RGS7: variants seen among roughly 807,000 people sequenced by gnomAD.
The protein encoded by RGS7 is regulator of G protein signaling 7.
Under a neutral mutation model 81.1 loss-of-function variants are expected in RGS7, and 27 were observed. The ratio of observed to expected loss-of-function variants is 0.33; its 90% CI spans 0.25 to 0.46. RGS7 has a LOEUF of 0.46. Ranked by LOEUF, RGS7 falls within the 20% of genes least tolerant of loss-of-function variation. The pLI is 1.00. For missense variants in RGS7, 396 were observed against 607.4 expected (o/e 0.65, Z 3.66); for synonymous variants, 208 against 207.7 (o/e 1.00, Z -0.01).
chr1:240,839,306 C>T (rs1185072949), intron 9 of RGS7, among the ~76,000 whole-genome samples: 1 of 150,286 alleles, frequency 6.7e-6, no homozygotes. Context: ...CAGGGTCTCA[C>T]ATTTTAGCGA....
Position 241,258,584 on chromosome 1 carries a change from C to A in RGS7, c.78+97115G>T, listed in dbSNP as rs574821096. On this transcript the variant is annotated intron_variant, in intron 2 of 18. Transcript: ENST00000440928. ...AATCATAAAATGTAACATCCTTTCC[C>A]AGGTGGCCACAGCTTGTTCTTATTC... 1.4e-4 allele frequency among the ~76,000 whole-genome samples: 21 copies of A among 152,230 alleles called. No homozygotes were observed. In the East Asian group the frequency reaches 3.9e-3, roughly 28 times the overall value.
Position 241,327,134 on chromosome 1 carries a change from GA to G in RGS7, c.78+28564del, listed in dbSNP as rs1416030159. 2.7e-4 allele frequency among the ~76,000 whole-genome samples: 27 copies of G among 100,722 alleles called. 2 individuals carry two copies. In the East Asian group the frequency reaches 8.5e-3, roughly 32 times the overall value. 66.1% of individuals were successfully genotyped at this position (100,722 alleles called of 152,430 possible). A position where few individuals can be genotyped will look rare whatever the true frequency, so the allele number is the denominator to read the frequency against. ...AGAAAGAAAGAAAGAAAGAAAGAAA[GA>G]AAGAAAGAAAGGAAAGAAAGAAAGA... is the stretch of plus-strand genomic sequence containing the variant. On this transcript the variant is annotated intron_variant, in intron 2 of 18. Coordinates refer to ENST00000440928, the MANE Select transcript of RGS7 (RefSeq NM_001364886.1).
At chr1:241,121,527 G>A (rs2066251925) in intron 2 of RGS7, among the ~76,000 whole-genome samples, 1 of 152,104 alleles carries the variant, frequency 6.6e-6, no homozygotes, top group African/African-American at 2.4e-5. Context: ...CATAAAAGGT[G>A]ACAAGCTATG....
chr1:240,925,530 A>T (rs1249389381), intron 6 of RGS7, among the ~76,000 whole-genome samples: 3 of 152,158 alleles, frequency 2.0e-5, no homozygotes, highest in Admixed American at 6.5e-5. Flanking sequence ...TACACTATTG[A>T]TGGGCACCTA....
At chr1:240,978,180 C>T (rs942711663) in intron 4 of RGS7, among the ~76,000 whole-genome samples, 72 of 152,198 alleles carry the variant, frequency 4.7e-4, no homozygotes, top group African/African-American at 1.4e-3. Flanking sequence ...AATCCATCCA[C>T]CCTGTCAATA....
intron 3 of RGS7, among the ~76,000 whole-genome samples, chr1:241,048,283 A>G (rs769019487): frequency 5.9e-5 from 9 of 152,196 alleles, no homozygotes; most frequent in Non-Finnish European, 7.3e-5. Flanking sequence ...AATGAGGCAC[A>G]GAAATAAAAT....
chr1:240,858,482 G>T (rs1661563630), intron 9 of RGS7, among the ~76,000 whole-genome samples: 1 of 152,180 alleles, frequency 6.6e-6, no homozygotes, highest in African/African-American at 2.4e-5. Flanking sequence ...TAGCCCTAAT[G>T]ACGTGATGTT....
intron 9 of RGS7, among the ~76,000 whole-genome samples, chr1:240,864,451 A>G (rs892620884): frequency 6.6e-6 from 1 of 152,314 alleles, no homozygotes; most frequent in African/African-American, 2.4e-5. Context: ...AAACAGTTCA[A>G]AAAGTTTCAT....
chr1:240,908,171 A>G lies in RGS7; in HGVS notation c.385+22546T>C, dbSNP rs565193701. Among the ~76,000 whole-genome samples the G allele has an allele frequency of 2.4e-4, 29 of 121,058 alleles. No homozygotes were observed. In the East Asian group the frequency reaches 4.8e-3, roughly 20 times the overall value. 79.4% of individuals were successfully genotyped at this position (121,058 alleles called of 152,430 possible). On this transcript the variant is annotated intron_variant, in intron 6 of 18. Transcript: ENST00000440928. The stretch of plus-strand genomic sequence containing the variant: ...AATGAGAACACCTGGACACAGGGCG[A>G]GGAACATCACACACCGGGGCCTGTC...
At chr1:241,160,532 G>A (rs2069566817) in intron 2 of RGS7, among the ~76,000 whole-genome samples, 1 of 152,174 alleles carries the variant, frequency 6.6e-6, no homozygotes, top group African/African-American at 2.4e-5. Flanking sequence ...CCTGAACGGT[G>A]TGTGGAATAA....
chr1:240,960,693 T>A (rs1026361645), intron 4 of RGS7, among the ~76,000 whole-genome samples: 7 of 152,088 alleles, frequency 4.6e-5, no homozygotes, highest in African/African-American at 1.7e-4. Flanking sequence ...CCTTAACCTA[T>A]GTACAGTCAC....
chr1:240,814,226 A>G (rs1359725200), intron 12 of RGS7, among the ~76,000 whole-genome samples: 1 of 152,252 alleles, frequency 6.6e-6, no homozygotes, highest in Non-Finnish European at 1.5e-5. Context: ...AGGATTTGGC[A>G]ATGCCCAAAA....
chr1:241,233,976 T>C (rs1206298449), intron 2 of RGS7, among the ~76,000 whole-genome samples: 3 of 152,148 alleles, frequency 2.0e-5, no homozygotes, highest in Non-Finnish European at 1.5e-5. Flanking sequence ...TGGCTTTGAT[T>C]TGCATTTCTT....
Position 240,983,683 on chromosome 1 carries a change from C to T in RGS7, c.176-554G>A, listed in dbSNP as rs530770579. Reference sequence around the variant, plus strand: ...ACTGATATGACAGAACTTGCCTTGGCCCTTCCCCTCGTCCACTGAGTTCAC... The same window carrying T: ...ACTGATATGACAGAACTTGCCTTGGTCCTTCCCCTCGTCCACTGAGTTCAC... On this transcript the variant is annotated intron_variant, in intron 3 of 18. Coordinates refer to ENST00000440928, the MANE Select transcript of RGS7 (RefSeq NM_001364886.1). Among the ~76,000 whole-genome samples the T allele has an allele frequency of 5.3e-5, 8 of 152,316 alleles. 1 individual carries two copies. In the South Asian group the frequency reaches 1.7e-3, roughly 32 times the overall value.
At position 241,144,818 on chromosome 1, in the gene RGS7, A is replaced by G. The variant is rs1313167437; in HGVS notation, c.79-46056T>C. On this transcript the variant is annotated intron_variant, in intron 2 of 18. Coordinates refer to ENST00000440928, the MANE Select transcript of RGS7 (RefSeq NM_001364886.1). This position sits in a 1 kb window ranked among gnomAD's most constrained non-coding sequence, Gnocchi z 4.7. ...ACTCGTTGAGGTTGCAGGAACATAC[A>G]GAAGATCATTTCTCCTCTTTCATTT... Among the ~76,000 whole-genome samples the G allele has an allele frequency of 6.6e-6, 1 of 152,148 alleles. No homozygotes were observed. The highest frequency in any genetic ancestry group is 2.4e-5 in the African/African-American group (1 of 41,432).
intron 2 of RGS7, among the ~76,000 whole-genome samples, chr1:241,147,714 G>A (rs981613014): frequency 1.5e-5 from 2 of 136,674 alleles, no homozygotes; most frequent in East Asian, 2.2e-4. Flanking sequence ...CAATTCACAA[G>A]GTAACAGAAT....
chr1:241,089,821 C>T (rs758477511), intron 3 of RGS7, among the ~76,000 whole-genome samples: 1 of 151,774 alleles, frequency 6.6e-6, no homozygotes, highest in Non-Finnish European at 1.5e-5. Context: ...CCGGCTAACA[C>T]GGTGAAACCC....
chr1:240,896,877 T>C, intron 6 of RGS7, among the ~76,000 whole-genome samples: 1 of 152,224 alleles, frequency 6.6e-6, no homozygotes, highest in Non-Finnish European at 1.5e-5. Flanking sequence ...CCTTGGGCAC[T>C]ATGGCCATTT....
At chr1:240,850,298 T>G (rs1434827806) in intron 9 of RGS7, among the ~76,000 whole-genome samples, 1 of 152,210 alleles carries the variant, frequency 6.6e-6, no homozygotes, top group Non-Finnish European at 1.5e-5. Context: ...TATCCTTGAG[T>G]CAGATTTTGG....
Sources: gnomAD v4.1 joint callset for allele counts (sites outside exome capture counted in the v4.1 genomes callset) on GRCh38, gnomAD v4.1.1 for gene constraint, Gnocchi (gnomAD v3.1) non-coding constraint, MANE v1.5 for transcripts, NCBI Gene and HGNC (gene_info 2026-07-23, HGNC 2026-07-21) for gene names.